The following SMAD2 variants were observed in gnomAD, a reference collection of about 807,000 sequenced individuals.
SMAD2 encodes MAD homolog 2.
SMAD2 carries 8 observed loss-of-function variants against 64.4 expected under a neutral mutation model. The observed-to-expected ratio is 0.12, with a 90% CI of 0.07 to 0.22. The LOEUF is 0.22. Among genes scored for constraint, SMAD2 ranks in the 10% least tolerant of loss-of-function variants. The pLI, the probability that SMAD2 is intolerant of heterozygous loss-of-function variation, is 1.00. For missense variants in SMAD2, 289 were observed against 561.2 expected (o/e 0.51, Z 4.90); for synonymous variants, 203 against 195.8 (o/e 1.04, Z -0.31).
chr18:47,899,925 G>A (rs147134772), intron 1 of SMAD2, among the ~76,000 whole-genome samples: 4 of 152,192 alleles, frequency 2.6e-5, no homozygotes, highest in Non-Finnish European at 2.9e-5. Flanking sequence ...ACAGTGTAAT[G>A]CTTCAGAGAA....
chr18:47,875,574 G>C (rs186529961), intron 2 of SMAD2, among the ~76,000 whole-genome samples: 1 of 152,204 alleles, frequency 6.6e-6, no homozygotes, highest in Non-Finnish European at 1.5e-5. Context: ...AAAAATTTTA[G>C]AGAAGTAGCA....
At chr18:47,914,152 G>C (rs1191226970) in intron 1 of SMAD2, among the ~76,000 whole-genome samples, 1 of 152,030 alleles carries the variant, frequency 6.6e-6, no homozygotes, top group Non-Finnish European at 1.5e-5. Context: ...CAACTATGTG[G>C]TCCTTTTCTT....
At chr18:47,886,603 A>G (rs984652698) in intron 2 of SMAD2, among the ~76,000 whole-genome samples, 2 of 151,898 alleles carry the variant, frequency 1.3e-5, no homozygotes, top group African/African-American at 4.8e-5. Context: ...CTATCTATCT[A>G]TCTATCTATC....
intron 2 of SMAD2, among the ~76,000 whole-genome samples, chr18:47,888,773 A>G (rs1311606109): frequency 6.6e-6 from 1 of 152,244 alleles, no homozygotes; most frequent in Non-Finnish European, 1.5e-5. Flanking sequence ...TGTACAAAAC[A>G]TATGGCATAC....
rs948947814 is a variant in SMAD2, at chr18:47,834,508, C to G, written c.*7319G>C. 1 of 204,414 alleles carries G rather than the reference C, an allele frequency of 4.9e-6. No homozygotes were observed. Among genetic ancestry groups the G allele is most frequent in the Non-Finnish European group, 1.0e-5 (1 of 99,774 alleles). 12.7% of individuals were successfully genotyped at this position (204,414 alleles called of 1,614,324 possible). On this transcript the variant is annotated 3_prime_UTR_variant, in exon 11 of 11. Transcript: ENST00000262160. ...CCCTGAGAACACTACCCACTCGTTC[C>G]TTAATATCACTAGAGAAAAGGTAAG...
Position 47,837,570 on chromosome 18 carries a change from A to AC in SMAD2, c.*4256_*4257insG, listed in dbSNP as rs1568025610. The AC allele has an allele frequency of 4.4e-6, 1 of 226,874 alleles. No individual in the cohort carries two copies. The highest frequency in any genetic ancestry group is 8.7e-6 in the Non-Finnish European group (1 of 115,096). 14.1% of individuals were successfully genotyped at this position (226,874 alleles called of 1,614,324 possible). A position where few individuals can be genotyped will look rare whatever the true frequency, so the allele number is the denominator to read the frequency against. On this transcript the variant is annotated 3_prime_UTR_variant, in exon 11 of 11. Coordinates refer to ENST00000262160, the MANE Select transcript of SMAD2 (RefSeq NM_005901.6). ...GAGCGAGACTCCCTCTCAAAAAAAAAAAAAAAAAACAAAAAACAAGGCTAA... is the reference window on the plus strand; with the variant it reads ...GAGCGAGACTCCCTCTCAAAAAAAAACAAAAAAAAACAAAAAACAAGGCTAA...
Position 47,833,602 on chromosome 18 carries a change from C to T in SMAD2, c.*8225G>A, listed in dbSNP as rs1373731863. 1 of 230,862 alleles carries T rather than the reference C, an allele frequency of 4.3e-6. No homozygotes were observed. The highest frequency in any genetic ancestry group is 2.2e-5 in the African/African-American group (1 of 45,314). The allele number at this position is 230,862 out of a possible 1,614,324, so 14.3% of individuals were successfully genotyped here. ...ATCAGAGAAAAAAAATCTCACCTCA[C>T]GTGCTCAATGTTCTAGCTGGTAAGC... is the stretch of plus-strand genomic sequence containing the variant. On this transcript the variant is annotated 3_prime_UTR_variant, in exon 11 of 11. Transcript: ENST00000262160.
In SMAD2 at chr18:47,832,835, G is replaced by A. The variant is rs1913056312; in HGVS notation, c.*8992C>T. 6.5e-6 allele frequency: 1 copy of A among 152,894 alleles called. No homozygotes were observed. Among genetic ancestry groups the A allele is most frequent in the African/African-American group, 2.4e-5 (1 of 41,432 alleles). The allele number at this position is 152,894 out of a possible 1,614,324, so 9.5% of individuals were successfully genotyped here. On this transcript the variant is annotated 3_prime_UTR_variant, in exon 11 of 11. Coordinates refer to ENST00000262160, the MANE Select transcript of SMAD2 (RefSeq NM_005901.6). The stretch of plus-strand genomic sequence containing the variant: ...TAAATAAAAATGTATAAATAGCACT[G>A]TGCAGTGTGTGGTGTGCGCCTGTTG...
chr18:47,816,686 T>A lies in SMAD2; in HGVS notation c.*25141A>T, dbSNP rs180948321. ...AACGACAATTATTTCAAAACAATTATACAACCCTCATTTTTCTTTAAAATC... is the reference window on the plus strand; with the variant it reads ...AACGACAATTATTTCAAAACAATTAAACAACCCTCATTTTTCTTTAAAATC... On this transcript the variant is annotated 3_prime_UTR_variant, in exon 11 of 11. Transcript: ENST00000262160. 1 of 152,030 alleles carries A rather than the reference T, an allele frequency of 6.6e-6. No homozygotes were observed. The highest frequency in any genetic ancestry group is 2.4e-5 in the African/African-American group (1 of 41,414). 9.4% of individuals were successfully genotyped at this position (152,030 alleles called of 1,614,324 possible). A position where few individuals can be genotyped will look rare whatever the true frequency, so the allele number is the denominator to read the frequency against.
Position 47,839,762 on chromosome 18 carries a change from T to C in SMAD2, c.*2065A>G, listed in dbSNP as rs528926185. 4.3e-6 allele frequency: 1 copy of C among 233,290 alleles called. No individual in the cohort carries two copies. Among genetic ancestry groups the C allele is most frequent in the African/African-American group, 2.2e-5 (1 of 45,476 alleles). 14.5% of individuals were successfully genotyped at this position (233,290 alleles called of 1,614,324 possible). A position where few individuals can be genotyped will look rare whatever the true frequency, so the allele number is the denominator to read the frequency against. On this transcript the variant is annotated 3_prime_UTR_variant, in exon 11 of 11. Transcript: ENST00000262160. Reference sequence around the variant, plus strand: ...ATACCTAATCAGGAGTTTCCTTTAGTGTGAACCTTTTTGCATTTGATGCTA... The same window carrying C: ...ATACCTAATCAGGAGTTTCCTTTAGCGTGAACCTTTTTGCATTTGATGCTA...
At chr18:47,851,088 A>T (rs946762938) in intron 7 of SMAD2, among the ~76,000 whole-genome samples, 186 bp downstream of exon 7, 2 of 150,946 alleles carry the variant, frequency 1.3e-5, no homozygotes, top group Non-Finnish European at 3.0e-5. Flanking sequence ...GAAAAGACTT[A>T]ATAATTTTGA....
Position 47,876,605 on chromosome 18 carries a change from C to T in SMAD2, c.237-6041G>A, listed in dbSNP as rs555175931. Among the ~76,000 whole-genome samples the T allele has an allele frequency of 3.9e-5, 6 of 152,134 alleles. No individual in the cohort carries two copies. In the Middle Eastern group the frequency reaches 0.01, roughly 259 times the overall value. On this transcript the variant is annotated intron_variant, in intron 2 of 10. Coordinates refer to ENST00000262160, the MANE Select transcript of SMAD2 (RefSeq NM_005901.6). ...CTAATATAGCAACTACCTTTGTTGG[C>T]ATACAGTATATTAATCACTAAACTA...
At position 47,817,613 on chromosome 18, in the gene SMAD2, T is replaced by C. The variant is rs1257687972; in HGVS notation, c.*24214A>G. The C allele has an allele frequency of 6.6e-6, 1 of 152,288 alleles. No homozygotes were observed. 9.4% of individuals were successfully genotyped at this position (152,288 alleles called of 1,614,324 possible). Reference sequence around the variant, plus strand: ...ACTGCGCCTGGCTGAGTACTCTGGATTCTGAGGCATGCCTTTTCTGGTAAA... The same window carrying C: ...ACTGCGCCTGGCTGAGTACTCTGGACTCTGAGGCATGCCTTTTCTGGTAAA... On this transcript the variant is annotated 3_prime_UTR_variant, in exon 11 of 11. Transcript: ENST00000262160.
intron 2 of SMAD2, among the ~76,000 whole-genome samples, chr18:47,892,957 TCCATCCCCA>T (rs773117803): frequency 5.6e-4 from 86 of 152,338 alleles, no homozygotes; most frequent in Non-Finnish European, 8.1e-4. Flanking sequence ...TTTACAGACC[TCCATCCCCA>T]CTGCAATTTC....
intron 2 of SMAD2, among the ~76,000 whole-genome samples, chr18:47,887,603 C>G (rs2032978715): frequency 6.6e-6 from 1 of 152,196 alleles, no homozygotes; most frequent in South Asian, 2.1e-4. Context: ...ACTATTATGT[C>G]TTACTAACGT....
In SMAD2 at chr18:47,830,694, G is replaced by C. The variant is rs1912954104; in HGVS notation, c.*11133C>G. 1.3e-5 allele frequency: 2 copies of C among 152,432 alleles called. No homozygotes were observed. The highest frequency in any genetic ancestry group is 2.1e-4 in the South Asian group (1 of 4,824). The allele number at this position is 152,432 out of a possible 1,614,324, so 9.4% of individuals were successfully genotyped here. A position where few individuals can be genotyped will look rare whatever the true frequency, so the allele number is the denominator to read the frequency against. Reference sequence around the variant, plus strand: ...TATTTACATGGTACTTATGTAGTTTGATCAAATACTGCCACAATATAGTTT... The same window carrying C: ...TATTTACATGGTACTTATGTAGTTTCATCAAATACTGCCACAATATAGTTT... On this transcript the variant is annotated 3_prime_UTR_variant, in exon 11 of 11. Coordinates refer to ENST00000262160, the MANE Select transcript of SMAD2 (RefSeq NM_005901.6).
chr18:47,892,079 GC>G (rs1410694945), intron 2 of SMAD2, among the ~76,000 whole-genome samples: 2 of 152,006 alleles, frequency 1.3e-5, no homozygotes, highest in African/African-American at 4.8e-5. Flanking sequence ...TTTATAGAAA[GC>G]CCTTTCTGGA....
At chr18:47,889,570 G>A (rs2033089149) in intron 2 of SMAD2, among the ~76,000 whole-genome samples, 1 of 152,128 alleles carries the variant, frequency 6.6e-6, no homozygotes, top group African/African-American at 2.4e-5. Context: ...AGGAGATCGA[G>A]ACCATCCTGG....
rs1913769442 is a variant in SMAD2, at chr18:47,839,810, T to C, written c.*2017A>G. 2 of 233,170 alleles carry C rather than the reference T, an allele frequency of 8.6e-6. No homozygotes were observed. The highest frequency in any genetic ancestry group is 2.2e-5 in the African/African-American group (1 of 45,354). The allele number at this position is 233,170 out of a possible 1,614,324, so 14.4% of individuals were successfully genotyped here. On this transcript the variant is annotated 3_prime_UTR_variant, in exon 11 of 11. Coordinates refer to ENST00000262160, the MANE Select transcript of SMAD2 (RefSeq NM_005901.6). ...CTATTCTCTTTGCCAGGAATGCTTA[T>C]CTCCCCTGGCTCCTCACTTGGCTTG...
Sources: gnomAD v4.1 joint callset for allele counts (sites outside exome capture counted in the v4.1 genomes callset) on GRCh38, gnomAD v4.1.1 for gene constraint, MANE v1.5 for transcripts, NCBI Gene and HGNC (gene_info 2026-07-23, HGNC 2026-07-21) for gene names.